BRDT: variants seen among roughly 807,000 people sequenced by gnomAD.
The protein encoded by BRDT is bromodomain testis-specific protein.
A neutral mutation model predicts 113.9 loss-of-function variants in BRDT; 77 were observed. The ratio of observed to expected loss-of-function variants is 0.68; its 90% CI spans 0.56 to 0.82. BRDT has a LOEUF of 0.82. Ranked by LOEUF, BRDT falls within the 40% of genes least tolerant of loss-of-function variation. The pLI is 0.00. For synonymous variants in BRDT, 358 were observed against 366.5 expected (o/e 0.98, Z 0.26); for missense variants, 1,027 against 1,105.4 (o/e 0.93, Z 1.01).
At chr1:91,987,990 C>T (rs142107256) in intron 12 of BRDT, among the ~76,000 whole-genome samples, 138 of 152,170 alleles carry the variant, frequency 9.1e-4, no homozygotes, top group African/African-American at 3.1e-3. Context: ...GCTGGGATTA[C>T]GGGCACCTGC....
At chr1:91,961,058 C>A (rs184342762) in intron 1 of BRDT, among the ~76,000 whole-genome samples, 24 of 152,272 alleles carry the variant, frequency 1.6e-4, no homozygotes, top group Admixed American at 5.9e-4. Context: ...CGCCTGTAAT[C>A]CCAGCACTTT....
rs1301786472 is a variant in BRDT at position 91,988,690 on chromosome 1, CA to C, written c.2003-2493del. On this transcript the variant is annotated intron_variant, in intron 12 of 18. Coordinates refer to ENST00000399546, the MANE Select transcript of BRDT (RefSeq NM_207189.4). ...TGCTGGGATTACAGGTGTGAGCTAC[CA>C]CGCCCGGCCTTGTTATCGATTTTAA... 2.7e-5 allele frequency among the ~76,000 whole-genome samples: 4 copies of C among 150,872 alleles called. No homozygotes were observed. The East Asian group carries it at 8.0e-4, about 30-fold the overall frequency.
chr1:92,013,213 GT>G (rs556338336), intron 18 of BRDT, among the ~76,000 whole-genome samples: 276 of 63,774 alleles, frequency 4.3e-3, no homozygotes, highest in African/African-American at 9.6e-3. Context: ...ACGACACAAT[GT>G]TTCAAAAAAA....
chr1:91,977,405 C>A lies in BRDT; in HGVS notation c.969+12C>A. ...TTGGAACTATTAAGGTAAATGTTGC[C>A]TTAAAAGGAAGAACTTCTTTTTCTT... On this transcript the variant is annotated intron_variant, in intron 6 of 18. Coordinates refer to ENST00000399546, the MANE Select transcript of BRDT (RefSeq NM_207189.4). The A allele has an allele frequency of 1.4e-6, 2 of 1,475,494 alleles. No homozygotes were observed. Among genetic ancestry groups the A allele is most frequent in the South Asian group, 1.4e-5 (1 of 69,032 alleles). The allele number at this position is 1,475,494 out of a possible 1,614,324, so 91.4% of individuals were successfully genotyped here. A position where few individuals can be genotyped will look rare whatever the true frequency, so the allele number is the denominator to read the frequency against.
intron 12 of BRDT, among the ~76,000 whole-genome samples, chr1:91,985,913 C>T (rs1262222505): frequency 6.6e-6 from 1 of 152,202 alleles, no homozygotes; most frequent in African/African-American, 2.4e-5. Flanking sequence ...GCTGGGATTA[C>T]AGGCGTGAGC....
chr1:91,995,767 G>C (rs1686268779), intron 15 of BRDT, among the ~76,000 whole-genome samples: 1 of 151,946 alleles, frequency 6.6e-6, no homozygotes, highest in Admixed American at 6.6e-5. Context: ...CTCCTGAGTA[G>C]CTGTGATTAC....
intron 3 of BRDT, among the ~76,000 whole-genome samples, chr1:91,966,178 C>T (rs549693937): frequency 6.6e-6 from 1 of 152,148 alleles, no homozygotes; most frequent in South Asian, 2.1e-4. Context: ...ATAGTATTCC[C>T]ATTTCCTACA....
chr1:91,993,815 A>C (rs987568898), intron 14 of BRDT, among the ~76,000 whole-genome samples: 19 of 152,332 alleles, frequency 1.2e-4, no homozygotes, highest in African/African-American at 3.8e-4. Context: ...TAAAATATAC[A>C]TGCATACTCA....
intron 12 of BRDT, among the ~76,000 whole-genome samples, chr1:91,982,989 T>G (rs1684853771): frequency 6.6e-6 from 1 of 152,202 alleles, no homozygotes; most frequent in Non-Finnish European, 1.5e-5. Context: ...ACTTTGTCTT[T>G]TATTTGTAGG....
At position 91,979,608 on chromosome 1, in the gene BRDT, C is replaced by T. The variant is rs376935183; in HGVS notation, c.1138C>T (p.Pro380Ser). Residue 380 changes from proline to serine, a missense_variant, in exon 8 of 19, where the codon CCT becomes TCT. By Grantham distance (74) the Pro-to-Ser change is moderately conservative. Coordinates refer to ENST00000399546, the MANE Select transcript of BRDT (RefSeq NM_207189.4). ...ETHFSKIPIE[P>S]VESMPLCYIK... The stretch of plus-strand genomic sequence containing the variant: ...GCATTTTTCAAAGATCCCGATTGAA[C>T]CTGTTGAGAGTATGCCTTTATGTTA... The T allele has an allele frequency of 5.6e-6, 9 of 1,611,966 alleles. No homozygotes were observed. Among genetic ancestry groups the T allele is most frequent in the African/African-American group, 2.7e-5 (2 of 74,804 alleles).
intron 4 of BRDT, among the ~76,000 whole-genome samples, chr1:91,970,533 C>T (rs1441945101): frequency 6.6e-6 from 1 of 152,206 alleles, no homozygotes; most frequent in Non-Finnish European, 1.5e-5. Context: ...TCCCAAAGTG[C>T]TAGGATTACA....
intron 5 of BRDT, 123 bp from the exon 6 acceptor site, chr1:91,976,919 TG>T: frequency 1.4e-6 from 1 of 728,114 alleles, no homozygotes; most frequent in Non-Finnish European, 2.2e-6. Flanking sequence ...CAACAATATG[TG>T]TAAATTATCT....
intron 15 of BRDT, among the ~76,000 whole-genome samples, chr1:91,997,027 C>T (rs1237029880): frequency 6.6e-6 from 1 of 151,802 alleles, no homozygotes; most frequent in African/African-American, 2.4e-5. Context: ...ACAAAACCTC[C>T]TCAGTAAAAG....
chr1:91,964,360 C>T (rs1324905361), intron 2 of BRDT, among the ~76,000 whole-genome samples: 2 of 152,084 alleles, frequency 1.3e-5, no homozygotes, highest in African/African-American at 4.8e-5. Flanking sequence ...CATGCCCGGC[C>T]AATTTTCTGT....
chr1:91,977,358 G>A lies in BRDT; in HGVS notation c.934G>A (p.Val312Ile), dbSNP rs142308966. Residue 312 changes from valine to isoleucine, a missense_variant, in exon 6 of 19, where the codon GTT becomes ATT. Coordinates refer to ENST00000399546, the MANE Select transcript of BRDT (RefSeq NM_207189.4). ...TTTGGGACTCCATAACTACTATGAC[G>A]TTGTCAAAAATCCGATGGATCTTGG... ...NALGLHNYYD[V>I]VKNPMDLGTI... The A allele has an allele frequency of 5.0e-6, 8 of 1,595,772 alleles. No individual in the cohort carries two copies. The highest frequency in any genetic ancestry group is 2.2e-5 in the East Asian group (1 of 44,592).
In BRDT at chr1:91,970,458, G is replaced by T. The variant is rs78817196; in HGVS notation, c.445+2198G>T. ...ATTTTTTTGTTTCTTACAGAGGTGGGGTCTCATTTTGTTGCCCAGGCTCAT... is the reference window on the plus strand; with the variant it reads ...ATTTTTTTGTTTCTTACAGAGGTGGTGTCTCATTTTGTTGCCCAGGCTCAT... On this transcript the variant is annotated intron_variant, in intron 4 of 18. Coordinates refer to ENST00000399546, the MANE Select transcript of BRDT (RefSeq NM_207189.4). 6.1e-4 allele frequency among the ~76,000 whole-genome samples: 93 copies of T among 151,944 alleles called. No homozygotes were observed. The East Asian group carries it at 0.017, about 27-fold the overall frequency.
chr1:92,013,400 A>G (rs1436400449), intron 18 of BRDT, among the ~76,000 whole-genome samples: 2 of 152,308 alleles, frequency 1.3e-5, no homozygotes, highest in South Asian at 2.1e-4. Flanking sequence ...TGAGAATGCT[A>G]ATTCCCATTC....
At chr1:91,964,110 G>C (rs1267888705) in intron 2 of BRDT, among the ~76,000 whole-genome samples, 2 of 152,018 alleles carry the variant, frequency 1.3e-5, no homozygotes, top group African/African-American at 2.4e-5. Flanking sequence ...CCCCAGGCTG[G>C]AGTGCAGTGG....
intron 4 of BRDT, among the ~76,000 whole-genome samples, chr1:91,975,026 G>A (rs535918116): frequency 1.2e-4 from 19 of 152,136 alleles, no homozygotes; most frequent in South Asian, 4.2e-4. Context: ...GCAAACTATC[G>A]CAAGACAGAA....
Sources: allele counts gnomAD v4.1 joint callset (sites outside exome capture counted in the v4.1 genomes callset), GRCh38; gene constraint gnomAD v4.1.1; transcripts MANE v1.5; gene names NCBI Gene and HGNC (gene_info 2026-07-23, HGNC 2026-07-21).